The following SPOCK1 variants were observed in gnomAD, a reference collection of about 807,000 sequenced individuals.
SPOCK1 encodes SPARC (osteonectin), cwcv and kazal like domains proteoglycan 1, also known as testican-1.
In SPOCK1, 23 loss-of-function variants were observed where a neutral mutation model predicts 55.3. That is an observed-to-expected ratio of 0.42 (90% CI 0.30 to 0.59). SPOCK1 has a LOEUF of 0.59. Ranked by LOEUF, SPOCK1 falls within the 20% of genes least tolerant of loss-of-function variation. SPOCK1 has a pLI of 0.22. For synonymous variants in SPOCK1, 226 were observed against 221.0 expected (o/e 1.02, Z -0.20); for missense variants, 499 against 552.5 (o/e 0.90, Z 0.97).
chr5:137,301,375 G>A (rs1757586259), intron 2 of SPOCK1, among the ~76,000 whole-genome samples: 1 of 152,180 alleles, frequency 6.6e-6, no homozygotes, highest in Non-Finnish European at 1.5e-5. Flanking sequence ...TTGTGAAACT[G>A]GGGAAGCCAC....
At chr5:137,242,088 G>A (rs1236668973) in intron 3 of SPOCK1, among the ~76,000 whole-genome samples, 1 of 152,176 alleles carries the variant, frequency 6.6e-6, no homozygotes, top group Admixed American at 6.5e-5. Context: ...AACCATACAG[G>A]CCAGCATGGT....
At chr5:137,116,438 A>T (rs1753580976) in intron 4 of SPOCK1, among the ~76,000 whole-genome samples, 1 of 152,114 alleles carries the variant, frequency 6.6e-6, no homozygotes, top group Non-Finnish European at 1.5e-5. Context: ...TGAGGTCAGG[A>T]GTTCGAGACC....
At chr5:137,251,722 G>C (rs1157443855) in intron 3 of SPOCK1, among the ~76,000 whole-genome samples, 1 of 152,154 alleles carries the variant, frequency 6.6e-6, no homozygotes, top group Non-Finnish European at 1.5e-5. Flanking sequence ...CTGCATGAGA[G>C]AGCTCACAGT....
chr5:137,456,565 G>T (rs767372591), intron 2 of SPOCK1, among the ~76,000 whole-genome samples: 3 of 152,096 alleles, frequency 2.0e-5, no homozygotes, highest in Non-Finnish European at 2.9e-5. Flanking sequence ...TAGAATTTTT[G>T]ATGTATTTAT....
chr5:137,313,328 G>T (rs1292046529), intron 2 of SPOCK1: 12 of 737,876 alleles, frequency 1.6e-5, no homozygotes, highest in Non-Finnish European at 2.0e-5. Flanking sequence ...TGGAAGTAGG[G>T]ATGAGGTATG....
At chr5:137,160,653 A>AAC (rs1754534875) in intron 3 of SPOCK1, among the ~76,000 whole-genome samples, 1 of 97,392 alleles carries the variant, frequency 1.0e-5, no homozygotes, top group African/African-American at 4.4e-5. Context: ...TATTTTATAT[A>AAC]ATATACAATA....
At chr5:137,385,039 T>G (rs1751570671) in intron 2 of SPOCK1, among the ~76,000 whole-genome samples, 1 of 152,206 alleles carries the variant, frequency 6.6e-6, no homozygotes, top group Non-Finnish European at 1.5e-5. Context: ...AGATAATGTC[T>G]GCAGCATGCT....
At chr5:137,315,949 C>T (rs149127595) in intron 2 of SPOCK1, among the ~76,000 whole-genome samples, 6 of 152,294 alleles carry the variant, frequency 3.9e-5, no homozygotes, top group Non-Finnish European at 8.8e-5. Context: ...GCCAAGGCCA[C>T]TGGAAAGCAG....
chr5:137,141,603 G>C (rs1410765499), intron 3 of SPOCK1, among the ~76,000 whole-genome samples: 1 of 152,222 alleles, frequency 6.6e-6, no homozygotes, highest in African/African-American at 2.4e-5. Flanking sequence ...CATATAAAAT[G>C]ATAACAGAGC....
intron 2 of SPOCK1, among the ~76,000 whole-genome samples, chr5:137,323,825 A>G (rs1030803102): frequency 5.9e-5 from 9 of 152,180 alleles, no homozygotes; most frequent in African/African-American, 1.9e-4. Flanking sequence ...AACACAAAAG[A>G]TAAGTGTCGG....
At chr5:137,288,717 AG>A (rs545447771) in intron 2 of SPOCK1, among the ~76,000 whole-genome samples, 234 of 152,348 alleles carry the variant, frequency 1.5e-3, no homozygotes, top group African/African-American at 4.8e-3. Context: ...AGGTTATTGA[AG>A]TCCCTCACGG....
intron 3 of SPOCK1, among the ~76,000 whole-genome samples, chr5:137,187,445 C>T (rs1045766580): frequency 6.6e-6 from 1 of 152,164 alleles, no homozygotes; most frequent in African/African-American, 2.4e-5. Flanking sequence ...TCAATTCACC[C>T]TTCTACCCTC....
rs199722850 is a variant in SPOCK1, at chr5:137,140,584, G to C, written c.343C>G (p.Pro115Ala). The C allele has an allele frequency of 4.3e-6, 7 of 1,612,768 alleles. No individual in the cohort carries two copies. In the East Asian group the frequency reaches 1.3e-4, roughly 31 times the overall value. Residue 115 changes from proline (P) to alanine (A), a missense_variant, in exon 4 of 11, where the codon CCC becomes GCC. Physicochemically the swap from Pro to Ala is conservative, Grantham distance 27 (BLOSUM62 -1). Transcript: ENST00000394945. The stretch of plus-strand genomic sequence containing the variant: ...CCCCCGGCCTTCCTGCCTTACCTGG[G>C]GAGCAGGTGCTTGCGGCTGACACAC... The part of the protein sequence containing the change: ...ALCVSRKHLL[P>A]RQKKGNVAQK...
chr5:137,087,675 G>A (rs1250312152), intron 5 of SPOCK1, among the ~76,000 whole-genome samples: 1 of 152,234 alleles, frequency 6.6e-6, no homozygotes, highest in East Asian at 1.9e-4. Flanking sequence ...TCCCAGGGCA[G>A]GGCCCTGGAG....
At chr5:137,336,643 A>C (rs1311243207) in intron 2 of SPOCK1, among the ~76,000 whole-genome samples, 1 of 152,174 alleles carries the variant, frequency 6.6e-6, no homozygotes, top group African/African-American at 2.4e-5. Flanking sequence ...AGTCTCTGTG[A>C]GGTCAGCAAT....
chr5:137,473,884 T>C (rs938724792), intron 2 of SPOCK1, among the ~76,000 whole-genome samples: 10 of 152,180 alleles, frequency 6.6e-5, no homozygotes, highest in African/African-American at 2.4e-4. Flanking sequence ...CTGTGGTGTA[T>C]ATATACGATG....
Position 136,978,670 on chromosome 5 carries a change from ACCTCAT to A in SPOCK1, c.1298_1303del (p.Asp433_Glu434del). 1 of 1,610,084 alleles carries A rather than the reference ACCTCAT, an allele frequency of 6.2e-7. No homozygotes were observed. Among genetic ancestry groups the A allele is most frequent in the South Asian group, 1.1e-5 (1 of 90,360 alleles). Reference sequence around the variant, plus strand: ...TTGTGGGCACTACCATATGTACCCGACCTCATCCTCTTTGTCATCATCCTCATCCTC... The same window carrying A: ...TTGTGGGCACTACCATATGTACCCGACCTCTTTGTCATCATCCTCATCCTC... On this transcript the variant is annotated inframe_deletion, in exon 11 of 11. Coordinates refer to ENST00000394945, the MANE Select transcript of SPOCK1 (RefSeq NM_004598.4).
At chr5:137,159,962 A>G (rs1012175816) in intron 3 of SPOCK1, among the ~76,000 whole-genome samples, 1 of 152,152 alleles carries the variant, frequency 6.6e-6, no homozygotes, top group African/African-American at 2.4e-5. Context: ...ATAAGGAGGC[A>G]AATAAGTCTT....
chr5:137,349,804 C>T (rs1750636590), intron 2 of SPOCK1, among the ~76,000 whole-genome samples: 3 of 152,132 alleles, frequency 2.0e-5, no homozygotes, highest in South Asian at 4.1e-4. Flanking sequence ...GTCCAAATTT[C>T]CCCTTTTCAT....
Sources: allele counts gnomAD v4.1 joint callset (sites outside exome capture counted in the v4.1 genomes callset), GRCh38; gene constraint gnomAD v4.1.1; transcripts MANE v1.5; gene names NCBI Gene and HGNC (gene_info 2026-07-23, HGNC 2026-07-21).